Variants in MRTFA observed in about 807,000 individuals in gnomAD.
MRTFA encodes the protein myocardin related transcription factor A, also known as myocardin-related transcription factor A.
In MRTFA, 20 loss-of-function variants were observed where a neutral mutation model predicts 83.5. The ratio of observed to expected loss-of-function variants is 0.24; its 90% CI spans 0.17 to 0.35. The LOEUF is 0.35. Ranked by LOEUF, MRTFA falls within the 10% of genes least tolerant of loss-of-function variation. The pLI is 1.00. For missense variants in MRTFA, 1,200 were observed against 1,224.7 expected (o/e 0.98, Z 0.30); for synonymous variants, 659 against 541.2 (o/e 1.22, Z -3.02).
intron 2 of MRTFA, among the ~76,000 whole-genome samples, chr22:40,571,400 A>T (rs2147345446): frequency 6.6e-6 from 1 of 152,324 alleles, no homozygotes; most frequent in East Asian, 1.9e-4. Flanking sequence ...ATGGAACCAA[A>T]GGAAAAAACT....
At chr22:40,447,740 C>G (rs1314270839) in intron 4 of MRTFA, among the ~76,000 whole-genome samples, 1 of 152,234 alleles carries the variant, frequency 6.6e-6, no homozygotes, top group Non-Finnish European at 1.5e-5. Flanking sequence ...ACTTCAGCTT[C>G]TCAGTACTTA....
intron 12 of MRTFA, 105 bp downstream of exon 12, chr22:40,418,269 C>A: frequency 2.6e-6 from 4 of 1,509,886 alleles, no homozygotes; most frequent in Non-Finnish European, 3.5e-6. Context: ...ATGAAGCAAA[C>A]ACAAAATGTC....
At chr22:40,566,786 T>G (rs1241647652) in intron 2 of MRTFA, among the ~76,000 whole-genome samples, 1 of 152,134 alleles carries the variant, frequency 6.6e-6, no homozygotes, top group Non-Finnish European at 1.5e-5. Context: ...TGAGCCGACA[T>G]CACACCACTG....
At chr22:40,426,198 C>T (rs1047257641) in intron 7 of MRTFA, among the ~76,000 whole-genome samples, 3 of 152,130 alleles carry the variant, frequency 2.0e-5, no homozygotes, top group Non-Finnish European at 2.9e-5. Flanking sequence ...TCCCACTGCC[C>T]GCTTCCTTCC....
chr22:40,581,795 C>T (rs9623195), intron 2 of MRTFA, among the ~76,000 whole-genome samples: 18 of 152,054 alleles, frequency 1.2e-4, no homozygotes, highest in African/African-American at 4.8e-5. Flanking sequence ...AATGATGATA[C>T]GGAGTATCTT....
Position 40,417,014 on chromosome 22 carries a change from G to A in MRTFA, c.2550C>T (p.Asp850=). Reference sequence around the variant, plus strand: ...CGCTCTGAATGAGAATGTCAAACAGGTCGTCCATCTGCTGGCTTGAGGAAC... The same window carrying A: ...CGCTCTGAATGAGAATGTCAAACAGATCGTCCATCTGCTGGCTTGAGGAAC... Residue 850 remains aspartate (D), a synonymous_variant, in exon 14 of 15, where the codon GAC becomes GAT. Coordinates refer to ENST00000355630, the MANE Select transcript of MRTFA (RefSeq NM_020831.6). The A allele has an allele frequency of 6.3e-7, 1 of 1,599,116 alleles. No homozygotes were observed. Among genetic ancestry groups the A allele is most frequent in the Non-Finnish European group, 8.5e-7 (1 of 1,172,988 alleles).
rs926517987 is a variant in MRTFA at position 40,410,816 on chromosome 22, A to G, written c.*574T>C. 1.3e-5 allele frequency: 3 copies of G among 232,428 alleles called. No individual in the cohort carries two copies. The highest frequency in any genetic ancestry group is 2.5e-5 in the Non-Finnish European group (3 of 117,694). The allele number at this position is 232,428 out of a possible 1,614,324, so 14.4% of individuals were successfully genotyped here. A position where few individuals can be genotyped will look rare whatever the true frequency, so the allele number is the denominator to read the frequency against. On this transcript the variant is annotated 3_prime_UTR_variant, in exon 15 of 15. Transcript: ENST00000355630. ...ATATATATGTATGTCGATATATAAT[A>G]TAGAGGTATATACACCTGTACATAA...
intron 3 of MRTFA, among the ~76,000 whole-genome samples, chr22:40,483,671 T>A (rs1486114389): frequency 6.0e-5 from 9 of 150,240 alleles, no homozygotes. Flanking sequence ...GGTGACAGAG[T>A]GAGACTGTCT....
At chr22:40,495,632 G>A (rs942384865) in intron 3 of MRTFA, among the ~76,000 whole-genome samples, 2 of 150,590 alleles carry the variant, frequency 1.3e-5, no homozygotes, top group East Asian at 1.9e-4. Context: ...GGTGGCGGTC[G>A]CCTGTAATCC....
rs569969998 is a variant in MRTFA, at chr22:40,572,006, GA to G, written c.-21-19640del. Among the ~76,000 whole-genome samples, 1,090 of 133,566 alleles carry G rather than the reference GA, an allele frequency of 8.2e-3. 13 individuals carry two copies. The highest frequency in any genetic ancestry group is 0.029 in the African/African-American group (1,043 of 36,338). 87.6% of individuals were successfully genotyped at this position (133,566 alleles called of 152,430 possible). A position where few individuals can be genotyped will look rare whatever the true frequency, so the allele number is the denominator to read the frequency against. ...ACATCACTAGTCATTAGGAAATAAT[GA>G]AAAAAAAAACAAAACACAGTGACAT... On this transcript the variant is annotated intron_variant, in intron 2 of 14. Coordinates refer to ENST00000355630, the MANE Select transcript of MRTFA (RefSeq NM_020831.6).
chr22:40,502,915 G>T (rs1384613845), intron 3 of MRTFA, among the ~76,000 whole-genome samples: 1 of 152,180 alleles, frequency 6.6e-6, no homozygotes, highest in Non-Finnish European at 1.5e-5. Flanking sequence ...TCCAGGAAAC[G>T]CTAGGATCTT....
At chr22:40,464,324 A>C (rs1282092366) in intron 3 of MRTFA, among the ~76,000 whole-genome samples, 2 of 150,848 alleles carry the variant, frequency 1.3e-5, no homozygotes, top group African/African-American at 4.9e-5. Flanking sequence ...AAAAAAAAAA[A>C]AAAAAAAACA....
At chr22:40,575,448 TA>T (rs1314304003) in intron 2 of MRTFA, among the ~76,000 whole-genome samples, 5 of 152,186 alleles carry the variant, frequency 3.3e-5, no homozygotes, top group African/African-American at 7.2e-5. Context: ...AATTTTAAAT[TA>T]AAAAAATCTT....
chr22:40,584,314 C>A (rs1437917482), intron 2 of MRTFA, among the ~76,000 whole-genome samples: 1 of 152,182 alleles, frequency 6.6e-6, no homozygotes, highest in Non-Finnish European at 1.5e-5. Flanking sequence ...CCAGGAAAAC[C>A]CAGACATCAT....
At chr22:40,540,154 C>T (rs982107612) in intron 3 of MRTFA, among the ~76,000 whole-genome samples, 16 of 152,004 alleles carry the variant, frequency 1.1e-4, no homozygotes, top group Non-Finnish European at 2.1e-4. Context: ...TCAGGCAATC[C>T]TCCCGCCTCA....
chr22:40,449,796 T>C (rs2053453643), intron 4 of MRTFA, among the ~76,000 whole-genome samples: 1 of 152,240 alleles, frequency 6.6e-6, no homozygotes, highest in African/African-American at 2.4e-5. Flanking sequence ...ATCATTGCAA[T>C]GCATATTTTT....
intron 1 of MRTFA, among the ~76,000 whole-genome samples, chr22:40,614,800 T>C (rs959682639): frequency 6.6e-6 from 1 of 152,210 alleles, no homozygotes; most frequent in African/African-American, 2.4e-5. Flanking sequence ...AAATATTTTC[T>C]TCTAAGAAAT....
chr22:40,530,994 T>C (rs746257646), intron 3 of MRTFA, among the ~76,000 whole-genome samples: 3 of 152,202 alleles, frequency 2.0e-5, no homozygotes, highest in Non-Finnish European at 4.4e-5. Context: ...GAAGCCAATA[T>C]ATAGATTAAT....
intron 3 of MRTFA, among the ~76,000 whole-genome samples, chr22:40,502,430 G>A (rs1428883458): frequency 9.5e-5 from 12 of 125,716 alleles, no homozygotes; most frequent in Middle Eastern, 4.5e-3. Flanking sequence ...ATGGGGCGGC[G>A]GGGCAGAGGC....
Sources: allele counts gnomAD v4.1 joint callset (sites outside exome capture counted in the v4.1 genomes callset), GRCh38; gene constraint gnomAD v4.1.1; transcripts MANE v1.5; gene names NCBI Gene and HGNC (gene_info 2026-07-23, HGNC 2026-07-21).